The following TMEM62 variants were observed in gnomAD, a reference collection of about 807,000 sequenced individuals.
The protein encoded by TMEM62 is transmembrane protein 62.
A neutral mutation model predicts 70.4 loss-of-function variants in TMEM62; 41 were observed. That is an observed-to-expected ratio of 0.58 (90% CI 0.45 to 0.76). The LOEUF is 0.76. TMEM62 is among the 30% of genes least tolerant of loss of function. The pLI is 0.00. For missense variants in TMEM62, 688 were observed against 788.5 expected (o/e 0.87, Z 1.53); for synonymous variants, 268 against 291.0 (o/e 0.92, Z 0.80).
chr15:43,158,186 T>C (rs959241880), intron 9 of TMEM62, among the ~76,000 whole-genome samples: 1 of 152,218 alleles, frequency 6.6e-6, no homozygotes, highest in Non-Finnish European at 1.5e-5. Context: ...ATCTGTTTGT[T>C]TTTTGGCAAG....
At chr15:43,167,770 G>A (rs180956607) in intron 10 of TMEM62, among the ~76,000 whole-genome samples, 263 of 152,322 alleles carry the variant, frequency 1.7e-3, no homozygotes, top group Middle Eastern at 6.8e-3. Context: ...GGCCAAGGCA[G>A]GCTGCTGGGA....
Position 43,133,943 on chromosome 15 carries a change from G to T in TMEM62, c.141G>T (p.Ala47=), listed in dbSNP as rs954750721. The change falls in exon 1 of 14, where the codon GCG becomes GCT. Residue 47 remains alanine (A), a synonymous_variant. Coordinates refer to ENST00000260403, the MANE Select transcript of TMEM62 (RefSeq NM_024956.4). ...RPAPPRRPHP[A]PGPGDSNIFW... ...CGCCCCCCAGGAGGCCGCACCCTGC[G>T]CCAGGGCCCGGAGACAGCAACATCT... 1.6e-5 allele frequency: 23 copies of T among 1,469,836 alleles called. No homozygotes were observed. The highest frequency in any genetic ancestry group is 4.0e-5 in the South Asian group (3 of 75,120). 91.0% of individuals were successfully genotyped at this position (1,469,836 alleles called of 1,614,324 possible).
At chr15:43,145,327 C>T (rs2036538890) in intron 4 of TMEM62, among the ~76,000 whole-genome samples, 1 of 150,462 alleles carries the variant, frequency 6.6e-6, no homozygotes, top group African/African-American at 2.4e-5. Context: ...GCCTCAGCCT[C>T]TGGAGTAGCT....
In TMEM62 at chr15:43,135,664, C is replaced by G; in HGVS notation, c.430+15C>G. The G allele has an allele frequency of 6.4e-7, 1 of 1,570,526 alleles. No individual in the cohort carries two copies. The highest frequency in any genetic ancestry group is 8.6e-7 in the Non-Finnish European group (1 of 1,167,078). ...AGGAAATCATGGTAAGAGCCAAGAG[C>G]CAGATACAATAAAGACAAGAGTTTT... On this transcript the variant is annotated intron_variant, in intron 3 of 13. Transcript: ENST00000260403.
At chr15:43,149,713 C>T (rs1006728570) in intron 7 of TMEM62, among the ~76,000 whole-genome samples, 24 of 152,050 alleles carry the variant, frequency 1.6e-4, no homozygotes, top group African/African-American at 5.3e-4. Flanking sequence ...TGAGCCATGG[C>T]GCCTGGCCCA....
chr15:43,181,320 T>C, intron 13 of TMEM62, 21 bp downstream of exon 13: 2 of 1,493,996 alleles, frequency 1.3e-6, no homozygotes, highest in Non-Finnish European at 1.9e-6. Context: ...AGAAAAGCAA[T>C]TTAAGAACAT....
At chr15:43,177,597 A>G (rs544206858) in intron 11 of TMEM62, among the ~76,000 whole-genome samples, 1 of 152,250 alleles carries the variant, frequency 6.6e-6, no homozygotes, top group Non-Finnish European at 1.5e-5. Context: ...ACTTGGAACC[A>G]ACCCAAATGT....
chr15:43,142,716 T>A (rs2036208427), intron 4 of TMEM62, among the ~76,000 whole-genome samples: 1 of 151,950 alleles, frequency 6.6e-6, no homozygotes, highest in South Asian at 2.1e-4. Flanking sequence ...TCACCCAGGC[T>A]GGAGTGCAAT....
intron 9 of TMEM62, among the ~76,000 whole-genome samples, chr15:43,157,202 T>C (rs1365422366): frequency 1.3e-5 from 2 of 152,190 alleles, no homozygotes; most frequent in East Asian, 3.8e-4. Context: ...GGTCCTGGGC[T>C]AGTGGCATCA....
rs767351437 is a variant in TMEM62, at chr15:43,178,687, T to C, written c.1462T>C (p.Leu488=). The change falls in exon 12 of 14, where the codon TTG becomes CTG. Residue 488 remains leucine, a synonymous_variant. Coordinates refer to ENST00000260403, the MANE Select transcript of TMEM62 (RefSeq NM_024956.4). ...KINIFYYSVL[L]LTLYTVLGPW... Reference sequence around the variant, plus strand: ...AAACATCTTCTACTATTCTGTGTTGTTGTTGACCCTGTATACAGTGCTGGG... The same window carrying C: ...AAACATCTTCTACTATTCTGTGTTGCTGTTGACCCTGTATACAGTGCTGGG... 1.2e-6 allele frequency: 2 copies of C among 1,611,886 alleles called. No homozygotes were observed. The highest frequency in any genetic ancestry group is 2.2e-5 in the South Asian group (2 of 90,962).
intron 4 of TMEM62, 194 bp from the exon 5 acceptor site, chr15:43,146,299 A>G: frequency 2.0e-6 from 1 of 492,358 alleles, no homozygotes; most frequent in South Asian, 4.3e-5. Flanking sequence ...ATGAGTTTGC[A>G]TGAGTCTTTG....
At chr15:43,180,414 T>G (rs142685371) in intron 12 of TMEM62, among the ~76,000 whole-genome samples, 25 of 152,340 alleles carry the variant, frequency 1.6e-4, no homozygotes, top group African/African-American at 5.5e-4. Flanking sequence ...TGAGCCACCC[T>G]GCCTGGCCTA....
At chr15:43,155,529 A>G (rs1202019278) in intron 9 of TMEM62, among the ~76,000 whole-genome samples, 1 of 152,182 alleles carries the variant, frequency 6.6e-6, no homozygotes, top group Non-Finnish European at 1.5e-5. Flanking sequence ...AAATAAATTG[A>G]ATACACTGTA....
intron 8 of TMEM62, among the ~76,000 whole-genome samples, chr15:43,152,645 T>C (rs1281891401): frequency 6.6e-6 from 1 of 152,138 alleles, no homozygotes; most frequent in African/African-American, 2.4e-5. Context: ...TCCGCCCTCC[T>C]ACGCCTCCCC....
At chr15:43,160,417 G>T in intron 9 of TMEM62, 1 of 325,692 alleles carries the variant, frequency 3.1e-6, no homozygotes. Flanking sequence ...CAGGCGTAGT[G>T]GTGTGTGCCT....
At chr15:43,174,843 A>G (rs982032193) in intron 11 of TMEM62, among the ~76,000 whole-genome samples, 1 of 152,246 alleles carries the variant, frequency 6.6e-6, no homozygotes, top group African/African-American at 2.4e-5. Flanking sequence ...TATACCAATT[A>G]CATCAGAATC....
intron 11 of TMEM62, among the ~76,000 whole-genome samples, chr15:43,177,440 T>C (rs1412366058): frequency 6.6e-6 from 1 of 152,088 alleles, no homozygotes; most frequent in East Asian, 1.9e-4. Flanking sequence ...GAAGTTGGTG[T>C]GGTGATTCTT....
intron 4 of TMEM62, among the ~76,000 whole-genome samples, chr15:43,142,592 C>T (rs2036180640): frequency 6.6e-6 from 1 of 152,182 alleles, no homozygotes; most frequent in African/African-American, 2.4e-5. Flanking sequence ...AAAACAAGAC[C>T]CTCCACCAGT....
chr15:43,160,574 A>G, intron 9 of TMEM62, 107 bp from the exon 10 acceptor site: 1 of 632,902 alleles, frequency 1.6e-6, no homozygotes, highest in Non-Finnish European at 2.7e-6. Flanking sequence ...CAACAATAAC[A>G]ACAACAACAA....
Sources: gnomAD v4.1 joint callset for allele counts (sites outside exome capture counted in the v4.1 genomes callset) on GRCh38, gnomAD v4.1.1 for gene constraint, MANE v1.5 for transcripts, NCBI Gene and HGNC (gene_info 2026-07-23, HGNC 2026-07-21) for gene names.